TTC24: variants seen among roughly 807,000 people sequenced by gnomAD.
TTC24 encodes the protein tetratricopeptide repeat domain 24.
In TTC24, 54 loss-of-function variants were observed where a neutral mutation model predicts 63.3. That is an observed-to-expected ratio of 0.85 (90% CI 0.69 to 1.07). The LOEUF (loss-of-function observed/expected upper bound fraction) is 1.07, where lower values mean the gene tolerates loss of function less well. Among genes scored for constraint, TTC24 ranks in the 50% least tolerant of loss-of-function variants. TTC24 has a pLI of 0.00. For missense variants in TTC24, 680 were observed against 730.5 expected, an observed-to-expected ratio of 0.93 and a Z score of 0.80; for synonymous variants, 276 against 304.3, an observed-to-expected ratio of 0.91 and a Z score of 0.97.
chr1:156,579,919 A>G (rs895073723), intron 1 of TTC24, among the ~76,000 whole-genome samples, 161 bp downstream of exon 1: 2 of 152,224 alleles, frequency 1.3e-5, no homozygotes, highest in Admixed American at 6.5e-5. Context: ...CTCCTAAAAA[A>G]GGGGAAAAAA....
rs771336662 is a variant in TTC24 at position 156,583,838 on chromosome 1, G to A, written c.1194G>A (p.Leu398=). Residue 398 remains leucine, a synonymous_variant, in exon 6 of 11, where the codon CTG becomes CTA. Transcript: ENST00000368236. This position sits in a 1 kb window ranked among gnomAD's most constrained non-coding sequence, Gnocchi z 4.0. ...TGCGAGAACGGCTGGTGGCCAAGCT[G>A]GCAGACACCGTGAGGACGCGCTTGG... ...DSVRERLVAK[L]ADTVRTRLAQ... 3 of 1,583,252 alleles carry A rather than the reference G, an allele frequency of 1.9e-6. No individual in the cohort carries two copies. In the African/African-American group the frequency reaches 4.0e-5, roughly 21 times the overall value.
At chr1:156,585,665 TTTGCTAC>T (rs1241926827) in intron 8 of TTC24, 41 bp from the exon 9 acceptor site, 2 of 1,361,310 alleles carry the variant, frequency 1.5e-6, no homozygotes, top group Non-Finnish European at 2.1e-6. Context: ...AGCAGAGTTC[TTTGCTAC>T]TTGTTGAGCT....
Position 156,583,172 on chromosome 1 carries a change from T to C in TTC24, c.1039+2T>C. The C allele has an allele frequency of 6.2e-7, 1 of 1,610,272 alleles. No individual in the cohort carries two copies. Among genetic ancestry groups the C allele is most frequent in the Non-Finnish European group, 8.5e-7 (1 of 1,178,594 alleles). ...CCCTGCAGGCTGCCCGGGACTCTGG[T>C]AAGCGTGAGAGGGTTGGGATGTGAC... On this transcript the variant is annotated splice_donor_variant, in intron 4 of 10. Transcript: ENST00000368236. LOFTEE classifies it high-confidence loss of function. The surrounding 1 kb of genome is among the most constrained non-coding windows in gnomAD (Gnocchi z 4.0).
chr1:156,586,167 T>C, intron 10 of TTC24, 122 bp downstream of exon 10: 2 of 806,754 alleles, frequency 2.5e-6, no homozygotes, highest in Non-Finnish European at 4.1e-6. Flanking sequence ...GATCTCATGC[T>C]TGGGATATAG....
At position 156,585,580 on chromosome 1, in the gene TTC24, C is replaced by A. The variant is rs900418475; in HGVS notation, c.1457-133C>A. 1.9e-5 allele frequency: 13 copies of A among 699,132 alleles called. No individual in the cohort carries two copies. In the Admixed American group the frequency reaches 2.0e-4, roughly 10 times the overall value. 43.3% of individuals were successfully genotyped at this position (699,132 alleles called of 1,614,324 possible). ...TGCTGAAAGCCTACTCTGTGCCCAA[C>A]ACAGCGCTGGGTGCTGTTGGTAAAC... On this transcript the variant is annotated intron_variant, in intron 8 of 10. Transcript: ENST00000368236.
At chr1:156,580,508 T>TTC (rs68094849) in intron 1 of TTC24, among the ~76,000 whole-genome samples, 19,001 of 150,952 alleles carry the variant, frequency 0.13, 2,718 homozygotes, top group African/African-American at 0.35. Context: ...GAGACAGAGT[T>TTC]TCTCTGTCAC....
Position 156,583,732 on chromosome 1 carries a change from C to A in TTC24, c.1153-65C>A. 1.5e-6 allele frequency: 2 copies of A among 1,310,258 alleles called. No homozygotes were observed. Among genetic ancestry groups the A allele is most frequent in the South Asian group, 2.5e-5 (2 of 78,554 alleles). 81.2% of individuals were successfully genotyped at this position (1,310,258 alleles called of 1,614,324 possible). A position where few individuals can be genotyped will look rare whatever the true frequency, so the allele number is the denominator to read the frequency against. ...CCTCCCTTTCCTGTTTCCTTCTTCC[C>A]CAACCCCCAGAGGACCATAAGGTCC... On this transcript the variant is annotated intron_variant, in intron 5 of 10. Transcript: ENST00000368236. This position sits in a 1 kb window ranked among gnomAD's most constrained non-coding sequence, Gnocchi z 4.0.
chr1:156,582,943 C>T, intron 3 of TTC24, 99 bp from the exon 4 acceptor site: 1 of 1,473,686 alleles, frequency 6.8e-7, no homozygotes, highest in Non-Finnish European at 9.1e-7. Context: ...GGCTGGGCAC[C>T]AGGCCTCCTG....
Position 156,586,787 on chromosome 1 carries a change from A to C in TTC24, c.*237A>C. ...TCAGTAGGTAAAAGAAAAAAGGAAAATGGATGGCAAATTCCCTGTCTTTCT... is the reference window on the plus strand; with the variant it reads ...TCAGTAGGTAAAAGAAAAAAGGAAACTGGATGGCAAATTCCCTGTCTTTCT... On this transcript the variant is annotated 3_prime_UTR_variant, in exon 11 of 11. Coordinates refer to ENST00000368236, the MANE Select transcript of TTC24 (RefSeq NM_001105669.4). The C allele has an allele frequency of 2.7e-6, 1 of 369,024 alleles. No individual in the cohort carries two copies. The highest frequency in any genetic ancestry group is 5.0e-6 in the Non-Finnish European group (1 of 201,568). 22.9% of individuals were successfully genotyped at this position (369,024 alleles called of 1,614,324 possible).
In TTC24 at chr1:156,585,964, C is replaced by T. The variant is rs1325972307; in HGVS notation, c.1586C>T (p.Ala529Val). The T allele has an allele frequency of 6.2e-7, 1 of 1,600,514 alleles. No individual in the cohort carries two copies. The highest frequency in any genetic ancestry group is 1.1e-5 in the South Asian group (1 of 89,114). The change falls in exon 10 of 11, where the codon GCC (alanine) becomes GTC (valine). Residue 529 changes from alanine (A) to valine (V), a missense_variant. By Grantham distance (64) the Ala-to-Val change is moderately conservative (BLOSUM62 0). Coordinates refer to ENST00000368236, the MANE Select transcript of TTC24 (RefSeq NM_001105669.4). The stretch of plus-strand genomic sequence containing the variant: ...CTCCATCTAGGTCCAGGACCCAGGG[C>T]CCATCTTCCATTTGTAGGTCCAGGC... ...KASIYSPGPR[A>V]HLPFVGPGPP...
At chr1:156,584,265 GGA>G (rs922378370) in intron 6 of TTC24, among the ~76,000 whole-genome samples, 5 of 152,122 alleles carry the variant, frequency 3.3e-5, no homozygotes, top group African/African-American at 1.2e-4. Flanking sequence ...TTAAGTCTCT[GGA>G]GGTCATTTCT....
rs770035147 is a variant in TTC24, at chr1:156,581,610, C to G, written c.246C>G (p.Ala82=). The change falls in exon 2 of 11, where the codon GCC becomes GCG. Residue 82 remains alanine (A), a synonymous_variant. Coordinates refer to ENST00000368236, the MANE Select transcript of TTC24 (RefSeq NM_001105669.4). The part of the protein sequence containing the change: ...TRDTPVLQAC[A]FNLGAAYVET... ...ATACCCCTGTGCTCCAGGCCTGCGC[C>G]TTCAACCTGGGGGCTGCCTATGTGG... 6 of 1,551,766 alleles carry G rather than the reference C, an allele frequency of 3.9e-6. No homozygotes were observed. In the South Asian group the frequency reaches 7.1e-5, roughly 18 times the overall value.
chr1:156,586,356 C>G, intron 10 of TTC24, 113 bp from the exon 11 acceptor site: 3 of 873,274 alleles, frequency 3.4e-6, no homozygotes, highest in South Asian at 3.0e-5. Context: ...CTCTGGAGCC[C>G]ACCAGCAGAG....
intron 6 of TTC24, 120 bp downstream of exon 6, chr1:156,584,015 C>A: frequency 1.2e-6 from 1 of 809,686 alleles, no homozygotes; most frequent in Non-Finnish European, 2.0e-6. Flanking sequence ...CATCTGTGTT[C>A]ATCCGCCTTG....
chr1:156,586,261 T>C (rs1224196409), intron 10 of TTC24, among the ~76,000 whole-genome samples: 2 of 152,110 alleles, frequency 1.3e-5, no homozygotes, highest in Non-Finnish European at 2.9e-5. Context: ...ATGCCCTGCT[T>C]CCTAAATGGC....
chr1:156,581,540 T>C lies in TTC24; in HGVS notation c.176T>C (p.Phe59Ser), dbSNP rs1676992984. The C allele has an allele frequency of 6.4e-7, 1 of 1,551,126 alleles. No homozygotes were observed. Among genetic ancestry groups the C allele is most frequent in the African/African-American group, 1.4e-5 (1 of 73,016 alleles). Residue 59 changes from phenylalanine (F) to serine (S), a missense_variant, in exon 2 of 11, where the codon TTC (phenylalanine) becomes TCC (serine). Transcript: ENST00000368236. The stretch of plus-strand genomic sequence containing the variant: ...CAGAACCATGAAGCCTTGAACAACT[T>C]CCAGAGGGCCTTCCTTCTGGCCTCC... ...AGQNHEALNN[F>S]QRAFLLASKA...
At position 156,583,121 on chromosome 1, in the gene TTC24, G is replaced by C; in HGVS notation, c.990G>C (p.Lys330Asn). The C allele has an allele frequency of 6.2e-7, 1 of 1,613,812 alleles. No homozygotes were observed. The highest frequency in any genetic ancestry group is 8.5e-7 in the Non-Finnish European group (1 of 1,179,814). ...AFALSQLGDH[K>N]AARDNYLHAL... ...CATTGAGCCAGCTGGGGGACCACAA[G>C]GCTGCCAGAGACAACTACCTGCATG... Residue 330 changes from lysine (K) to asparagine (N), a missense_variant, in exon 4 of 11, where the codon AAG becomes AAC. By Grantham distance (94) the Lys-to-Asn change is moderately conservative. Transcript: ENST00000368236. The surrounding 1 kb of genome is among the most constrained non-coding windows in gnomAD (Gnocchi z 4.0).
intron 3 of TTC24, among the ~76,000 whole-genome samples, 175 bp downstream of exon 3, chr1:156,582,609 A>C (rs902463876): frequency 1.3e-5 from 2 of 152,030 alleles, no homozygotes; most frequent in African/African-American, 4.8e-5. Context: ...GACAGGACAG[A>C]GGGTTGTGGG....
chr1:156,586,766 T>C lies in TTC24; in HGVS notation c.*216T>C. On this transcript the variant is annotated 3_prime_UTR_variant, in exon 11 of 11. Coordinates refer to ENST00000368236, the MANE Select transcript of TTC24 (RefSeq NM_001105669.4). Reference sequence around the variant, plus strand: ...TCCTCCTTGGGATTTTTGGACTCAGTAGGTAAAAGAAAAAAGGAAAATGGA... The same window carrying C: ...TCCTCCTTGGGATTTTTGGACTCAGCAGGTAAAAGAAAAAAGGAAAATGGA... 1 of 404,690 alleles carries C rather than the reference T, an allele frequency of 2.5e-6. No homozygotes were observed. Among genetic ancestry groups the C allele is most frequent in the Non-Finnish European group, 4.5e-6 (1 of 223,816 alleles). 25.1% of individuals were successfully genotyped at this position (404,690 alleles called of 1,614,324 possible).
Sources: gnomAD v4.1 joint callset for allele counts (sites outside exome capture counted in the v4.1 genomes callset) on GRCh38, gnomAD v4.1.1 for gene constraint, Gnocchi (gnomAD v3.1) non-coding constraint, MANE v1.5 for transcripts, NCBI Gene and HGNC (gene_info 2026-07-23, HGNC 2026-07-21) for gene names.